SCN11A: variants seen among roughly 807,000 people sequenced by gnomAD.
SCN11A encodes sodium voltage-gated channel alpha subunit 11.
SCN11A carries 122 observed loss-of-function variants against 162.2 expected under a neutral mutation model. That is an observed-to-expected ratio of 0.75 (90% CI 0.65 to 0.87). The LOEUF is 0.87. Ranked by LOEUF, SCN11A falls within the 40% of genes least tolerant of loss-of-function variation. The pLI, the probability that SCN11A is intolerant of heterozygous loss-of-function variation, is 0.00. For synonymous variants in SCN11A, 758 were observed against 751.5 expected (o/e 1.01, Z -0.14); for missense variants, 2,015 against 2,181.6 (o/e 0.92, Z 1.52).
At chr3:39,007,991 C>T (rs915954201) in intron 2 of SCN11A, among the ~76,000 whole-genome samples, 3 of 152,136 alleles carry the variant, frequency 2.0e-5, no homozygotes, top group African/African-American at 7.2e-5. Flanking sequence ...CAGTTAGTGT[C>T]AGAAGTGAAT....
At chr3:39,028,243 T>A (rs1361922735) in intron 2 of SCN11A, among the ~76,000 whole-genome samples, 1 of 152,180 alleles carries the variant, frequency 6.6e-6, no homozygotes, top group Non-Finnish European at 1.5e-5. Flanking sequence ...TCACTGAAGA[T>A]CTACCTCATT....
chr3:39,016,602 CTTTA>C (rs1385912364), intron 2 of SCN11A, among the ~76,000 whole-genome samples: 2 of 151,782 alleles, frequency 1.3e-5, no homozygotes, highest in Non-Finnish European at 2.9e-5. Flanking sequence ...ATTTACTTAA[CTTTA>C]TTTATTTATT....
At chr3:38,886,066 C>T (rs917305577) in intron 20 of SCN11A, 59 bp downstream of exon 20, 2 of 1,081,074 alleles carry the variant, frequency 1.9e-6, no homozygotes, top group South Asian at 1.4e-5. Context: ...TAATAACTAT[C>T]CTGGAGAAGG....
In SCN11A at chr3:38,846,817, C is replaced by T; in HGVS notation, c.5253G>A (p.Val1751=). ...TTTGGTCACCTTGGTCACCCTTGGT[C>T]ACCTTCATCATGTACTTTCGAAAGG... ...QKAFRKYMMK[V]TKGDQGDQND... Residue 1751 remains valine, a synonymous_variant, in exon 30 of 30, where the codon GTG becomes GTA. Transcript: ENST00000302328. 6.2e-6 allele frequency: 10 copies of T among 1,614,080 alleles called. No homozygotes were observed. Among genetic ancestry groups the T allele is most frequent in the Non-Finnish European group, 8.5e-6 (10 of 1,179,996 alleles).
At chr3:38,852,049 G>T (rs755423053) in intron 28 of SCN11A, among the ~76,000 whole-genome samples, 3 of 152,134 alleles carry the variant, frequency 2.0e-5, no homozygotes, top group Non-Finnish European at 4.4e-5. Context: ...GGGTCCAAGG[G>T]CAATGGGCAG....
At chr3:38,875,313 A>T (rs1318974301) in intron 23 of SCN11A, among the ~76,000 whole-genome samples, 1 of 152,128 alleles carries the variant, frequency 6.6e-6, no homozygotes, top group Non-Finnish European at 1.5e-5. Flanking sequence ...TATCTCATTA[A>T]ATAAATTTGC....
intron 1 of SCN11A, among the ~76,000 whole-genome samples, chr3:39,048,715 AT>A (rs1363075718): frequency 2.0e-5 from 3 of 152,210 alleles, no homozygotes; most frequent in Non-Finnish European, 2.9e-5. Flanking sequence ...GTTCTAATGA[AT>A]TGACTATGGC....
At chr3:38,942,015 A>T (rs1258261287) in intron 7 of SCN11A, among the ~76,000 whole-genome samples, 1 of 152,172 alleles carries the variant, frequency 6.6e-6, no homozygotes, top group East Asian at 1.9e-4. Flanking sequence ...ATGGAAAAAG[A>T]TATACCATGC....
intron 2 of SCN11A, among the ~76,000 whole-genome samples, chr3:38,966,037 A>T (rs1353364533): frequency 6.6e-6 from 1 of 152,196 alleles, no homozygotes; most frequent in African/African-American, 2.4e-5. Flanking sequence ...GTTTTGAAAA[A>T]ATATATATCA....
intron 7 of SCN11A, among the ~76,000 whole-genome samples, chr3:38,930,375 A>G (rs1343288216): frequency 6.6e-6 from 1 of 152,254 alleles, no homozygotes; most frequent in Non-Finnish European, 1.5e-5. Context: ...TGAGCATATC[A>G]GATTAAATAA....
chr3:38,949,369 C>A (rs1468347119), intron 5 of SCN11A, among the ~76,000 whole-genome samples: 1 of 152,226 alleles, frequency 6.6e-6, no homozygotes, highest in Non-Finnish European at 1.5e-5. Context: ...ACTAGAATTT[C>A]CCTGCAAGAA....
At chr3:39,008,347 A>C (rs2031033348) in intron 2 of SCN11A, among the ~76,000 whole-genome samples, 1 of 152,208 alleles carries the variant, frequency 6.6e-6, no homozygotes, top group South Asian at 2.1e-4. Context: ...GTCCCCAGGC[A>C]TCATTTCACA....
chr3:38,879,710 T>C (rs562532530), intron 23 of SCN11A, among the ~76,000 whole-genome samples: 1 of 152,308 alleles, frequency 6.6e-6, no homozygotes, highest in South Asian at 2.1e-4. Flanking sequence ...AATCCCATCA[T>C]GGGAAAGGTT....
chr3:38,985,883 T>A (rs2030220668), intron 2 of SCN11A, among the ~76,000 whole-genome samples: 1 of 150,882 alleles, frequency 6.6e-6, no homozygotes, highest in Non-Finnish European at 1.5e-5. Flanking sequence ...TGATCTCTCC[T>A]GAGGTTGCAG....
intron 25 of SCN11A, 26 bp from the exon 26 acceptor site, chr3:38,870,770 A>T: frequency 6.2e-7 from 1 of 1,603,562 alleles, no homozygotes; most frequent in Non-Finnish European, 8.5e-7. Context: ...AAAAACATGA[A>T]TAATACAAAT....
At chr3:39,018,173 C>G (rs2031346471) in intron 2 of SCN11A, among the ~76,000 whole-genome samples, 1 of 152,196 alleles carries the variant, frequency 6.6e-6, no homozygotes, top group East Asian at 1.9e-4. Context: ...ACCCTGGGCA[C>G]TGTTACTTCT....
At chr3:38,907,870 TTA>T in intron 14 of SCN11A, 77 bp downstream of exon 14, 1 of 1,224,188 alleles carries the variant, frequency 8.2e-7, no homozygotes, top group Non-Finnish European at 1.1e-6. Flanking sequence ...AATAAATGAA[TTA>T]TTTCAATTTG....
chr3:38,998,900 C>A (rs1207062697), intron 2 of SCN11A, among the ~76,000 whole-genome samples: 9 of 116,810 alleles, frequency 7.7e-5, no homozygotes, highest in African/African-American at 3.1e-4. Flanking sequence ...CACACCGGGG[C>A]CTGTTGTGGG....
At chr3:38,914,732 T>C (rs2065935193) in intron 11 of SCN11A, among the ~76,000 whole-genome samples, 1 of 152,204 alleles carries the variant, frequency 6.6e-6, no homozygotes, top group Non-Finnish European at 1.5e-5. Context: ...TTTCTGCAAC[T>C]ATTGAAATAT....
Sources: allele counts gnomAD v4.1 joint callset (sites outside exome capture counted in the v4.1 genomes callset), GRCh38; gene constraint gnomAD v4.1.1; transcripts MANE v1.5; gene names NCBI Gene and HGNC (gene_info 2026-07-23, HGNC 2026-07-21).